Variants in ATP2B2 observed in about 807,000 individuals in gnomAD.
The protein encoded by ATP2B2 is plasma membrane calcium-transporting ATPase 2.
Under a neutral mutation model 120.0 loss-of-function variants are expected in ATP2B2, and 15 were observed. The ratio of observed to expected loss-of-function variants is 0.12; its 90% CI spans 0.08 to 0.19. The LOEUF (loss-of-function observed/expected upper bound fraction) is 0.19, where lower values mean the gene tolerates loss of function less well. Ranked by LOEUF, ATP2B2 falls within the 10% of genes least tolerant of loss-of-function variation. ATP2B2 has a pLI of 1.00. For synonymous variants in ATP2B2, 694 were observed against 700.3 expected (o/e 0.99, Z 0.14); for missense variants, 1,045 against 1,719.8 (o/e 0.61, Z 6.94).
chr3:10,515,499 G>T (rs2066860153), intron 3 of ATP2B2, among the ~76,000 whole-genome samples: 1 of 152,126 alleles, frequency 6.6e-6, no homozygotes, highest in South Asian at 2.1e-4. Context: ...CTCCCCCAAG[G>T]GTGGTAACCA....
intron 12 of ATP2B2, among the ~76,000 whole-genome samples, chr3:10,368,678 A>C (rs540434484): frequency 5.4e-5 from 8 of 149,160 alleles, no homozygotes; most frequent in Admixed American, 4.6e-4. Context: ...CCATCCATCC[A>C]CCTAACCGCC....
intron 2 of ATP2B2, among the ~76,000 whole-genome samples, chr3:10,577,626 C>A (rs186654746): frequency 9.5e-4 from 144 of 152,318 alleles, no homozygotes; most frequent in African/African-American, 3.4e-3. Context: ...GGACAGAAAA[C>A]CCCTGGGAGG....
intron 1 of ATP2B2, among the ~76,000 whole-genome samples, chr3:10,464,408 C>T (rs2064645144): frequency 6.6e-6 from 1 of 152,072 alleles, no homozygotes; most frequent in Non-Finnish European, 1.5e-5. Context: ...AGGCTCCAAG[C>T]CCCCCAAATA....
chr3:10,454,513 A>G (rs777275168), intron 1 of ATP2B2, among the ~76,000 whole-genome samples: 9 of 152,074 alleles, frequency 5.9e-5, no homozygotes, highest in Admixed American at 1.3e-4. Context: ...TTCCTTCTCT[A>G]CCTCTTCTGA....
intron 1 of ATP2B2, among the ~76,000 whole-genome samples, chr3:10,644,094 C>A (rs2070249009): frequency 6.6e-6 from 1 of 151,980 alleles, no homozygotes. Flanking sequence ...GGCAAACAAC[C>A]CAATTTAAAA....
intron 3 of ATP2B2, among the ~76,000 whole-genome samples, chr3:10,514,586 A>G (rs1559432920): frequency 6.6e-6 from 1 of 152,304 alleles, no homozygotes; most frequent in East Asian, 1.9e-4. Context: ...CCTGAGGCCC[A>G]CAGAGTGGTC....
chr3:10,597,079 A>G (rs1301545836), intron 2 of ATP2B2, among the ~76,000 whole-genome samples: 2 of 150,090 alleles, frequency 1.3e-5, no homozygotes, highest in East Asian at 4.0e-4. Flanking sequence ...ACACACACAC[A>G]CACACAGGCA....
chr3:10,700,169 T>A (rs1198672584), intron 1 of ATP2B2, among the ~76,000 whole-genome samples: 1 of 152,108 alleles, frequency 6.6e-6, no homozygotes, highest in Non-Finnish European at 1.5e-5. Flanking sequence ...GACACCCACC[T>A]CTGCTTGGAA....
intron 5 of ATP2B2, 38 bp from the exon 6 acceptor site, chr3:10,388,440 G>A: frequency 6.2e-7 from 1 of 1,613,940 alleles, no homozygotes; most frequent in African/African-American, 1.3e-5. Flanking sequence ...CCATTGCATG[G>A]TTGAAGCCGT....
At chr3:10,389,013 T>C (rs907171912) in intron 5 of ATP2B2, among the ~76,000 whole-genome samples, 1 of 152,200 alleles carries the variant, frequency 6.6e-6, no homozygotes, top group African/African-American at 2.4e-5. Context: ...CATTTCATTT[T>C]ATGCATTTCA....
At chr3:10,692,410 G>T (rs1470791669) in intron 1 of ATP2B2, among the ~76,000 whole-genome samples, 1 of 152,200 alleles carries the variant, frequency 6.6e-6, no homozygotes, top group Non-Finnish European at 1.5e-5. Context: ...TCTGCAGCAG[G>T]GTAATAAATG....
intron 3 of ATP2B2, among the ~76,000 whole-genome samples, chr3:10,406,021 T>C (rs2062398562): frequency 6.6e-6 from 1 of 152,106 alleles, no homozygotes; most frequent in Non-Finnish European, 1.5e-5. Flanking sequence ...CAAAATGATG[T>C]TGGTAGAGGA....
intron 1 of ATP2B2, among the ~76,000 whole-genome samples, chr3:10,645,531 C>A (rs148894419): frequency 6.6e-6 from 1 of 152,130 alleles, no homozygotes; most frequent in African/African-American, 2.4e-5. Flanking sequence ...ATAAAGCACA[C>A]GAGGAAAGTA....
At chr3:10,644,294 C>A (rs373158504) in intron 1 of ATP2B2, among the ~76,000 whole-genome samples, 1 of 152,102 alleles carries the variant, frequency 6.6e-6, no homozygotes, top group Admixed American at 6.5e-5. Context: ...GAAATTGGAA[C>A]CCTTGTACGT....
Position 10,368,754 on chromosome 3 carries a change from T to C in ATP2B2, c.1659+3055A>G, listed in dbSNP as rs899683687. On this transcript the variant is annotated intron_variant, in intron 12 of 22. Coordinates refer to ENST00000360273, the MANE Select transcript of ATP2B2 (RefSeq NM_001001331.4). The stretch of plus-strand genomic sequence containing the variant: ...ACCCACTCATCCATACACCCATCCA[T>C]GCATTCATCCATCAATCCATCCATC... Among the ~76,000 whole-genome samples, 7 of 151,590 alleles carry C rather than the reference T, an allele frequency of 4.6e-5. 1 individual carries two copies. The South Asian group carries it at 1.5e-3, about 32-fold the overall frequency.
At chr3:10,391,942 C>T (rs1411177437) in intron 5 of ATP2B2, among the ~76,000 whole-genome samples, 1 of 152,144 alleles carries the variant, frequency 6.6e-6, no homozygotes, top group African/African-American at 2.4e-5. Context: ...CCTCCCTGGC[C>T]TTTGCTCACA....
intron 1 of ATP2B2, among the ~76,000 whole-genome samples, chr3:10,696,299 T>G (rs552269397): frequency 3.3e-5 from 5 of 152,328 alleles, no homozygotes; most frequent in Admixed American, 2.0e-4. Flanking sequence ...GCAGTGTTCC[T>G]GCAAACTTTG....
chr3:10,419,252 C>G (rs184590094), intron 2 of ATP2B2, among the ~76,000 whole-genome samples: 1 of 152,232 alleles, frequency 6.6e-6, no homozygotes, highest in African/African-American at 2.4e-5. Flanking sequence ...GTAAGAGCCA[C>G]TTAATGGACT....
intron 2 of ATP2B2, among the ~76,000 whole-genome samples, chr3:10,435,129 G>A (rs142903721): frequency 2.0e-3 from 304 of 152,300 alleles, no homozygotes; most frequent in Non-Finnish European, 3.6e-3. Flanking sequence ...TCTGTGCCTC[G>A]GTTTCCTCAC....
Sources: gnomAD v4.1 joint callset for allele counts (sites outside exome capture counted in the v4.1 genomes callset) on GRCh38, gnomAD v4.1.1 for gene constraint, MANE v1.5 for transcripts, NCBI Gene and HGNC (gene_info 2026-07-23, HGNC 2026-07-21) for gene names.